LINGO2: variants seen among roughly 807,000 people sequenced by gnomAD.
LINGO2 encodes leucine rich repeat and Ig domain containing 2.
Under a neutral mutation model 30.6 loss-of-function variants are expected in LINGO2, and 14 were observed. That is an observed-to-expected ratio of 0.46 (90% CI 0.30 to 0.72). LINGO2 has a LOEUF of 0.72. Among genes scored for constraint, LINGO2 ranks in the 30% least tolerant of loss-of-function variants. The probability of loss-of-function intolerance (pLI) is 0.07; values close to 1 mark genes in which losing one functional copy is unlikely to be tolerated. For missense variants in LINGO2, 729 were observed against 751.7 expected (o/e 0.97, Z 0.35); for synonymous variants, 317 against 288.5 (o/e 1.10, Z -1.00).
intron 4 of LINGO2, among the ~76,000 whole-genome samples, chr9:28,200,522 TTACATATGGCTTTAAGAATAC>T (rs909612652): frequency 6.6e-6 from 1 of 152,176 alleles, no homozygotes; most frequent in African/African-American, 2.4e-5. Flanking sequence ...AAATAACCAT[TTACATATGGCTTTAAGAATAC>T]TTCTAAATTA....
At chr9:28,469,633 A>G (rs1825444059) in intron 2 of LINGO2, among the ~76,000 whole-genome samples, 1 of 152,164 alleles carries the variant, frequency 6.6e-6, no homozygotes, top group Admixed American at 6.5e-5. Flanking sequence ...TTTCAGTGGA[A>G]ATTTTGCAGA....
chr9:28,552,458 G>C (rs1822346929), intron 1 of LINGO2, among the ~76,000 whole-genome samples: 1 of 151,972 alleles, frequency 6.6e-6, no homozygotes. Context: ...TTGTTTACTA[G>C]CTTATTTCAT....
the LINGO2 span, among the ~76,000 whole-genome samples, chr9:29,171,410 A>G: frequency 1.9e-4 from 29 of 152,156 alleles, no homozygotes; most frequent in African/African-American, 7.0e-4. Flanking sequence ...ACTTGTATAC[A>G]ACAGAAACTT....
At chr9:28,119,093 T>C (rs1237242650) in intron 4 of LINGO2, among the ~76,000 whole-genome samples, 2 of 152,216 alleles carry the variant, frequency 1.3e-5, no homozygotes, top group African/African-American at 4.8e-5. Context: ...AGCTCACTAC[T>C]TCTCTTAGAC....
At chr9:28,252,308 C>T (rs890866812) in intron 4 of LINGO2, among the ~76,000 whole-genome samples, 3 of 152,060 alleles carry the variant, frequency 2.0e-5, no homozygotes, top group Admixed American at 2.0e-4. Context: ...TCACTGCAAC[C>T]TCTGCCTCCC....
chr9:28,039,135 T>C (rs182828224), intron 4 of LINGO2, among the ~76,000 whole-genome samples: 39 of 152,258 alleles, frequency 2.6e-4, no homozygotes, highest in African/African-American at 9.4e-4. Flanking sequence ...TGAACAATTG[T>C]TCCTCTGGCT....
chr9:28,349,516 C>T (rs1296087453), intron 3 of LINGO2, among the ~76,000 whole-genome samples: 6 of 115,534 alleles, frequency 5.2e-5, no homozygotes, highest in East Asian at 2.3e-4. Context: ...ACCAAATCTA[C>T]GTCTGATTGG....
At chr9:28,719,088 C>T in the LINGO2 span, among the ~76,000 whole-genome samples, 1 of 151,952 alleles carries the variant, frequency 6.6e-6, no homozygotes, top group African/African-American at 2.4e-5. Flanking sequence ...ATCCTTCCCA[C>T]TTTTCAACTT....
chr9:27,992,582 A>T (rs894366257), intron 5 of LINGO2, among the ~76,000 whole-genome samples: 2 of 152,084 alleles, frequency 1.3e-5, no homozygotes, highest in African/African-American at 4.8e-5. Context: ...AGAACAGAGG[A>T]GGGAGTGATC....
chr9:27,962,135 A>G (rs908995284), intron 5 of LINGO2, among the ~76,000 whole-genome samples: 2 of 152,172 alleles, frequency 1.3e-5, no homozygotes, highest in Admixed American at 6.5e-5. Flanking sequence ...ACTATGTCCA[A>G]CATAAAAGTT....
At chr9:28,811,884 C>G in the LINGO2 span, among the ~76,000 whole-genome samples, 1 of 152,030 alleles carries the variant, frequency 6.6e-6, no homozygotes, top group East Asian at 1.9e-4. Flanking sequence ...AAATAAAATC[C>G]ATGAGAGCAA....
intron 4 of LINGO2, among the ~76,000 whole-genome samples, chr9:28,055,721 A>G (rs1002884953): frequency 1.3e-5 from 2 of 152,180 alleles, no homozygotes; most frequent in Admixed American, 6.6e-5. Flanking sequence ...AAATTCTTTA[A>G]AAGATATGTA....
chr9:28,227,756 T>A (rs1218791007), intron 4 of LINGO2, among the ~76,000 whole-genome samples: 1 of 152,098 alleles, frequency 6.6e-6, no homozygotes, highest in Non-Finnish European at 1.5e-5. Context: ...TTGGTTACTA[T>A]CCTTTTGGGG....
At chr9:28,049,892 A>C (rs1824593967) in intron 4 of LINGO2, among the ~76,000 whole-genome samples, 1 of 150,732 alleles carries the variant, frequency 6.6e-6, no homozygotes, top group African/African-American at 2.5e-5. Context: ...CAAGAGAGCA[A>C]CATGATCAGG....
the LINGO2 span, among the ~76,000 whole-genome samples, chr9:29,036,978 G>A: frequency 9.2e-5 from 14 of 151,890 alleles, no homozygotes; most frequent in Non-Finnish European, 1.3e-4. Context: ...AATAATTTAT[G>A]TTAGGATGAA....
intron 4 of LINGO2, among the ~76,000 whole-genome samples, chr9:28,123,903 T>G (rs760821766): frequency 3.3e-5 from 5 of 152,166 alleles, no homozygotes; most frequent in Admixed American, 6.5e-5. Flanking sequence ...CCTGACCTCA[T>G]GATCCACTCA....
intron 4 of LINGO2, among the ~76,000 whole-genome samples, chr9:28,276,552 T>C (rs1184838954): frequency 1.3e-5 from 2 of 152,200 alleles, no homozygotes; most frequent in Non-Finnish European, 2.9e-5. Context: ...AAAATATGTC[T>C]GTCTGCCACC....
At chr9:29,193,772 G>C in the LINGO2 span, among the ~76,000 whole-genome samples, 1 of 152,146 alleles carries the variant, frequency 6.6e-6, no homozygotes, top group Admixed American at 6.5e-5. Context: ...CTTTTAAGGA[G>C]AGCTTCTGTG....
At chr9:28,851,546 C>G in the LINGO2 span, among the ~76,000 whole-genome samples, 1 of 152,046 alleles carries the variant, frequency 6.6e-6, no homozygotes, top group African/African-American at 2.4e-5. Flanking sequence ...AACATATTCA[C>G]AGAATCCAGG....
Sources: allele counts gnomAD v4.1 joint callset (sites outside exome capture counted in the v4.1 genomes callset), GRCh38; gene constraint gnomAD v4.1.1; transcripts MANE v1.5; gene names NCBI Gene and HGNC (gene_info 2026-07-23, HGNC 2026-07-21).